PDE4D: variants seen among roughly 807,000 people sequenced by gnomAD.
PDE4D encodes the protein phosphodiesterase 4D.
A neutral mutation model predicts 87.4 loss-of-function variants in PDE4D; 24 were observed. The ratio of observed to expected loss-of-function variants is 0.27; its 90% CI spans 0.20 to 0.39. The LOEUF is 0.39. Among genes scored for constraint, PDE4D ranks in the 10% least tolerant of loss-of-function variants. PDE4D has a pLI of 1.00. For synonymous variants in PDE4D, 384 were observed against 383.2 expected, an observed-to-expected ratio of 1.00 and a Z score of -0.02; for missense variants, 714 against 1,041.0, an observed-to-expected ratio of 0.69 and a Z score of 4.32.
intron 1 of PDE4D, among the ~76,000 whole-genome samples, chr5:59,452,241 T>A (rs573785406): frequency 1.3e-5 from 2 of 152,326 alleles, no homozygotes; most frequent in South Asian, 4.1e-4. Flanking sequence ...TAAATTTTAC[T>A]TTCTCAGTAA....
intron 3 of PDE4D, among the ~76,000 whole-genome samples, chr5:59,972,470 AATG>A (rs1439258196): frequency 6.6e-6 from 1 of 152,260 alleles, no homozygotes; most frequent in Admixed American, 6.5e-5. Context: ...TTGTCAGCCA[AATG>A]AGTTGATCAA....
At chr5:59,524,902 A>C (rs575858736) in intron 1 of PDE4D, among the ~76,000 whole-genome samples, 1 of 152,306 alleles carries the variant, frequency 6.6e-6, no homozygotes, top group East Asian at 1.9e-4. Flanking sequence ...AGAAGTCAAG[A>C]ACTGAGGTTT....
intron 1 of PDE4D, among the ~76,000 whole-genome samples, chr5:59,602,050 C>T (rs752222749): frequency 2.0e-5 from 3 of 151,986 alleles, no homozygotes; most frequent in Admixed American, 6.6e-5. Flanking sequence ...AATTTAAAAA[C>T]ACAATAAAAA....
chr5:59,988,383 T>G, intron 3 of PDE4D: 1 of 623,094 alleles, frequency 1.6e-6, no homozygotes, highest in Non-Finnish European at 2.7e-6. Flanking sequence ...AACCCCATTG[T>G]TCTCCCACTC....
chr5:60,490,243 A>T (rs1358630930), upstream of PDE4D: 1 of 152,136 alleles, frequency 6.6e-6, no homozygotes, highest in African/African-American at 2.4e-5. Context: ...TTCCCCTCCT[A>T]TAATCATAAT....
intron 3 of PDE4D, among the ~76,000 whole-genome samples, chr5:59,930,149 C>T (rs1195569809): frequency 1.9e-5 from 2 of 106,824 alleles, no homozygotes. Flanking sequence ...GGCAACAGAG[C>T]GAGACTCCGT....
chr5:59,369,259 T>C (rs1783574631), intron 1 of PDE4D, among the ~76,000 whole-genome samples: 1 of 152,168 alleles, frequency 6.6e-6, no homozygotes, highest in South Asian at 2.1e-4. Flanking sequence ...ATCTAGTGCT[T>C]GTGCAATGGG....
intron 2 of PDE4D, among the ~76,000 whole-genome samples, chr5:60,034,083 G>T (rs1767532336): frequency 1.3e-5 from 2 of 152,168 alleles, no homozygotes; most frequent in Non-Finnish European, 2.9e-5. Context: ...GAGTAGAGAA[G>T]TTGTGAGAAA....
intron 1 of PDE4D, among the ~76,000 whole-genome samples, chr5:59,394,917 G>C (rs557072788): frequency 4.5e-4 from 69 of 152,202 alleles, no homozygotes; most frequent in African/African-American, 1.7e-3. Flanking sequence ...TGCCTCACTC[G>C]GGAAGTGCAA....
chr5:59,653,853 G>A (rs1315877646), intron 1 of PDE4D, among the ~76,000 whole-genome samples: 1 of 138,514 alleles, frequency 7.2e-6, no homozygotes, highest in Admixed American at 7.8e-5. Context: ...GGAAAAGGGG[G>A]AAAGAAGAAG....
chr5:59,430,394 A>G, intron 1 of PDE4D: 1 of 1,231,268 alleles, frequency 8.1e-7, no homozygotes, highest in Non-Finnish European at 1.0e-6. Flanking sequence ...AGAGTCAGGT[A>G]CTCACAGCTG....
intron 1 of PDE4D, among the ~76,000 whole-genome samples, chr5:60,328,418 ACT>A (rs1206264884): frequency 2.0e-5 from 3 of 151,844 alleles, no homozygotes; most frequent in Middle Eastern, 3.4e-3. Context: ...TTCAGTATGT[ACT>A]CTTTTTTAAT....
At chr5:59,432,652 T>TG (rs1796272883) in intron 1 of PDE4D, among the ~76,000 whole-genome samples, 1 of 152,140 alleles carries the variant, frequency 6.6e-6, no homozygotes, top group African/African-American at 2.4e-5. Flanking sequence ...CTCTCTGAAA[T>TG]ATCCAGTGAT....
intron 2 of PDE4D, among the ~76,000 whole-genome samples, chr5:60,043,550 G>C (rs913246570): frequency 6.6e-6 from 1 of 152,034 alleles, no homozygotes; most frequent in Non-Finnish European, 1.5e-5. Context: ...CAGAGAGAAA[G>C]CTCAGGTTAC....
chr5:59,532,072 G>A (rs980067215), intron 1 of PDE4D, among the ~76,000 whole-genome samples: 3 of 152,018 alleles, frequency 2.0e-5, no homozygotes, highest in African/African-American at 7.2e-5. Context: ...AATTGGATTG[G>A]GCTAATGATG....
chr5:59,502,183 CA>C (rs779189869), intron 1 of PDE4D, among the ~76,000 whole-genome samples: 39 of 152,066 alleles, frequency 2.6e-4, no homozygotes, highest in Middle Eastern at 3.2e-3. Context: ...GAAAGGTCCT[CA>C]ATAGCATGAA....
chr5:59,066,566 G>A (rs1763969046), intron 5 of PDE4D, among the ~76,000 whole-genome samples: 2 of 152,136 alleles, frequency 1.3e-5, no homozygotes, highest in Non-Finnish European at 2.9e-5. Flanking sequence ...GACTAGCAAA[G>A]GAAGTTGGTC....
chr5:60,382,046 A>C (rs1761896096), intron 1 of PDE4D, among the ~76,000 whole-genome samples: 1 of 152,160 alleles, frequency 6.6e-6, no homozygotes, highest in Non-Finnish European at 1.5e-5. Context: ...TTTGCTAAAG[A>C]GTTTTTTCTT....
intron 6 of PDE4D, chr5:58,999,499 C>A: frequency 6.5e-7 from 1 of 1,528,410 alleles, no homozygotes; most frequent in South Asian, 1.1e-5. Context: ...CTTTATGTAG[C>A]CCCAAGACAC....
Sources: allele counts gnomAD v4.1 joint callset (sites outside exome capture counted in the v4.1 genomes callset), GRCh38; gene constraint gnomAD v4.1.1; transcripts MANE v1.5; gene names NCBI Gene and HGNC (gene_info 2026-07-23, HGNC 2026-07-21).